Variants in DISC1 observed in about 807,000 individuals in gnomAD.
DISC1 encodes disrupted in schizophrenia 1 protein.
Under a neutral mutation model 84.5 loss-of-function variants are expected in DISC1, and 57 were observed. That is an observed-to-expected ratio of 0.67 (90% CI 0.55 to 0.84). DISC1 has a LOEUF of 0.84. DISC1 is among the 40% of genes least tolerant of loss of function. DISC1 has a pLI of 0.00. For synonymous variants in DISC1, 411 were observed against 415.2 expected, an observed-to-expected ratio of 0.99 and a Z score of 0.12; for missense variants, 1,000 against 1,057.8, an observed-to-expected ratio of 0.95 and a Z score of 0.76.
chr1:231,681,716 A>G (rs1046800796), intron 1 of DISC1, among the ~76,000 whole-genome samples: 1 of 151,660 alleles, frequency 6.6e-6, no homozygotes, highest in Non-Finnish European at 1.5e-5. Flanking sequence ...TTTTTTTTAG[A>G]AGGAGTTTTA....
intron 10 of DISC1, among the ~76,000 whole-genome samples, chr1:231,996,257 G>A (rs1397503418): frequency 1.3e-5 from 2 of 152,126 alleles, no homozygotes; most frequent in Non-Finnish European, 2.9e-5. Context: ...TGTCAGATGA[G>A]TAGGTTGCGA....
chr1:231,787,382 G>A (rs989294050), intron 6 of DISC1, among the ~76,000 whole-genome samples: 7 of 152,152 alleles, frequency 4.6e-5, no homozygotes, highest in Admixed American at 4.6e-4. Flanking sequence ...GGGCAAGAGA[G>A]AGAGAGAGGG....
At chr1:231,893,991 G>A (rs1385804196) in intron 9 of DISC1, among the ~76,000 whole-genome samples, 2 of 152,140 alleles carry the variant, frequency 1.3e-5, no homozygotes, top group African/African-American at 2.4e-5. Flanking sequence ...TACCACAAAC[G>A]TGTATACCAG....
intron 1 of DISC1, among the ~76,000 whole-genome samples, chr1:231,685,690 A>G (rs2064185803): frequency 6.6e-6 from 1 of 152,110 alleles, no homozygotes; most frequent in South Asian, 2.1e-4. Flanking sequence ...TGACCTCGTG[A>G]TCTGCCTGCC....
At chr1:231,813,416 C>T (rs138561441) in intron 8 of DISC1, 72 of 152,386 alleles carry the variant, frequency 4.7e-4, no homozygotes, top group African/African-American at 1.6e-3. Context: ...CCTGCCCCAA[C>T]GCAGTCACAC....
intron 9 of DISC1, among the ~76,000 whole-genome samples, chr1:231,843,583 A>C (rs908515518): frequency 3.9e-5 from 6 of 152,198 alleles, no homozygotes; most frequent in Non-Finnish European, 7.3e-5. Flanking sequence ...ACAGGAGAGC[A>C]GCTGTGAGAA....
At chr1:231,757,045 C>T (rs1347061556) in intron 4 of DISC1, among the ~76,000 whole-genome samples, 10 of 152,000 alleles carry the variant, frequency 6.6e-5, no homozygotes, top group African/African-American at 1.7e-4. Context: ...ACAGGCTCTC[C>T]GAGTCAAGGG....
intron 9 of DISC1, among the ~76,000 whole-genome samples, chr1:231,841,346 G>A (rs1317602863): frequency 6.6e-6 from 1 of 152,220 alleles, no homozygotes; most frequent in Non-Finnish European, 1.5e-5. Flanking sequence ...CTTCCAGGGG[G>A]CAAAGCCTGG....
chr1:231,773,519 G>A (rs376303880), intron 6 of DISC1, among the ~76,000 whole-genome samples: 6 of 152,194 alleles, frequency 3.9e-5, no homozygotes, highest in Admixed American at 3.3e-4. Flanking sequence ...TGAGTAGCTG[G>A]GACTACAGGC....
intron 12 of DISC1, among the ~76,000 whole-genome samples, chr1:232,028,380 T>G (rs552460034): frequency 6.6e-6 from 1 of 152,312 alleles, no homozygotes; most frequent in African/African-American, 2.4e-5. Context: ...TGTGAAATTT[T>G]CTAAAAGGTT....
At chr1:231,638,437 C>T (rs1165676824) in intron 1 of DISC1, among the ~76,000 whole-genome samples, 1 of 151,966 alleles carries the variant, frequency 6.6e-6, no homozygotes, top group African/African-American at 2.4e-5. Context: ...AAGAGTTTTC[C>T]CTCAGTTTTC....
rs530009772 is a variant in DISC1 at position 231,850,018 on chromosome 1, A to G, written c.1981+31501A>G. ...CACTCACCATGGTGTCCAAAGTGTCACTAAATCTCTGCTTGCTTGAGATTT... is the reference window on the plus strand; with the variant it reads ...CACTCACCATGGTGTCCAAAGTGTCGCTAAATCTCTGCTTGCTTGAGATTT... On this transcript the variant is annotated intron_variant, in intron 9 of 12. Coordinates refer to ENST00000439617, the MANE Select transcript of DISC1 (RefSeq NM_018662.3). Among the ~76,000 whole-genome samples the G allele has an allele frequency of 6.6e-5, 10 of 152,368 alleles. No individual in the cohort carries two copies. In the South Asian group the frequency reaches 2.1e-3, roughly 32 times the overall value.
Position 231,913,846 on chromosome 1 carries a change from T to C in DISC1, c.1982-44982T>C, listed in dbSNP as rs77864677. Among the ~76,000 whole-genome samples the C allele has an allele frequency of 5.2e-3, 787 of 152,308 alleles. 10 individuals carry two copies. The highest frequency in any genetic ancestry group is 0.017 in the African/African-American group (725 of 41,578). On this transcript the variant is annotated intron_variant, in intron 9 of 12. Transcript: ENST00000439617. ...ACCAGATTTCCAGCCAGCAACATTA[T>C]TGTCCACATGCCGAGTGTCCATCTC...
chr1:231,970,339 T>C (rs1320957266), intron 10 of DISC1, among the ~76,000 whole-genome samples: 1 of 152,250 alleles, frequency 6.6e-6, no homozygotes. Context: ...TTTGCATTTC[T>C]CTGATGGCCA....
intron 1 of DISC1, among the ~76,000 whole-genome samples, chr1:231,650,218 G>C (rs1461703164): frequency 6.6e-6 from 1 of 152,128 alleles, no homozygotes; most frequent in African/African-American, 2.4e-5. Context: ...TCCTTTCCAT[G>C]TTTAGTGCTT....
intron 12 of DISC1, among the ~76,000 whole-genome samples, chr1:232,029,742 ATTC>A (rs1669822980): frequency 6.6e-6 from 1 of 152,210 alleles, no homozygotes; most frequent in Non-Finnish European, 1.5e-5. Context: ...ATGGATGTTT[ATTC>A]TTTGTGTGGA....
intron 9 of DISC1, among the ~76,000 whole-genome samples, chr1:231,877,463 T>C (rs2085972046): frequency 6.6e-6 from 1 of 152,248 alleles, no homozygotes; most frequent in Non-Finnish European, 1.5e-5. Context: ...TTTTGTATTT[T>C]TATCTTGTTG....
intron 8 of DISC1, among the ~76,000 whole-genome samples, chr1:231,811,063 GT>G (rs2080245778): frequency 6.6e-6 from 1 of 152,168 alleles, no homozygotes; most frequent in African/African-American, 2.4e-5. Context: ...TTCTCAAGCT[GT>G]TGGAAAGTTC....
chr1:231,967,538 TG>T (rs1661285287), intron 10 of DISC1, among the ~76,000 whole-genome samples: 2 of 152,182 alleles, frequency 1.3e-5, no homozygotes, highest in African/African-American at 4.8e-5. Flanking sequence ...TAGAGAGTGT[TG>T]AAAAAATATT....
Sources: allele counts gnomAD v4.1 joint callset (sites outside exome capture counted in the v4.1 genomes callset), GRCh38; gene constraint gnomAD v4.1.1; transcripts MANE v1.5; gene names NCBI Gene and HGNC (gene_info 2026-07-23, HGNC 2026-07-21).